Variants in MRPS27 observed in about 807,000 individuals in gnomAD.
MRPS27 encodes the protein mitochondrial ribosomal protein S27.
Under a neutral mutation model 48.9 loss-of-function variants are expected in MRPS27, and 43 were observed. The ratio of observed to expected loss-of-function variants is 0.88; its 90% confidence interval spans 0.69 to 1.13. MRPS27 has a LOEUF of 1.13. MRPS27 is among the 50% of genes most tolerant of loss of function. The probability of loss-of-function intolerance (pLI) is 0.00; values close to 1 mark genes in which losing one functional copy is unlikely to be tolerated. For missense variants in MRPS27, 467 were observed against 476.3 expected (o/e 0.98, Z 0.18); for synonymous variants, 188 against 171.9 (o/e 1.09, Z -0.73).
chr5:72,227,282 G>A (rs1356522409), intron 8 of MRPS27: 1 of 152,130 alleles, frequency 6.6e-6, no homozygotes, highest in Non-Finnish European at 1.5e-5. Flanking sequence ...TGATCTGAAA[G>A]CAAAGGAAAA....
chr5:72,276,902 G>T (rs1354541421), intron 4 of MRPS27, among the ~76,000 whole-genome samples: 1 of 152,010 alleles, frequency 6.6e-6, no homozygotes, highest in Non-Finnish European at 1.5e-5. Context: ...GTGGTGACGG[G>T]CACCTGTAGT....
intron 4 of MRPS27, among the ~76,000 whole-genome samples, chr5:72,264,782 C>T (rs933342569): frequency 6.6e-6 from 1 of 152,220 alleles, no homozygotes; most frequent in African/African-American, 2.4e-5. Context: ...GAAAGGATGG[C>T]TCTACTGACA....
At chr5:72,244,852 C>G (rs74603404) in intron 4 of MRPS27, among the ~76,000 whole-genome samples, 1 of 148,674 alleles carries the variant, frequency 6.7e-6, no homozygotes, top group Non-Finnish European at 1.5e-5. Context: ...TACCTATAGA[C>G]AGACTGTAAG....
At chr5:72,282,677 C>A (rs1226130232) in intron 4 of MRPS27, among the ~76,000 whole-genome samples, 2 of 152,112 alleles carry the variant, frequency 1.3e-5, no homozygotes, top group Non-Finnish European at 2.9e-5. Context: ...CATGTATATA[C>A]AAGGCATCAA....
chr5:72,280,257 TCTG>T lies in MRPS27; in HGVS notation c.281+15271_281+15273del, dbSNP rs1417417040. On this transcript the variant is annotated intron_variant, in intron 4 of 10. Transcript: ENST00000261413. ...CATCTTCTCAGGTTCCCCAAAAATT[TCTG>T]CTGAGATTTTGGTTGGAATTGCACT... Among the ~76,000 whole-genome samples, 4 of 152,196 alleles carry T rather than the reference TCTG, an allele frequency of 2.6e-5. No homozygotes were observed. In the East Asian group the frequency reaches 7.7e-4, roughly 29 times the overall value.
intron 4 of MRPS27, among the ~76,000 whole-genome samples, chr5:72,246,549 C>A (rs1445222757): frequency 1.3e-5 from 2 of 152,148 alleles, no homozygotes; most frequent in African/African-American, 4.8e-5. Flanking sequence ...AAAACAGACT[C>A]CTTTCAACCC....
chr5:72,272,291 C>A (rs1749269400), intron 4 of MRPS27, among the ~76,000 whole-genome samples: 1 of 152,244 alleles, frequency 6.6e-6, no homozygotes, highest in Non-Finnish European at 1.5e-5. Flanking sequence ...TGGCCCTTCA[C>A]TGGTGTCTGG....
chr5:72,228,527 AAGGTACTT>A, intron 7 of MRPS27, 159 bp from the exon 8 acceptor site: 1 of 480,674 alleles, frequency 2.1e-6, no homozygotes, highest in Admixed American at 3.9e-5. Flanking sequence ...TTGGGATTAA[AAGGTACTT>A]ACGTCAAAGA....
intron 4 of MRPS27, among the ~76,000 whole-genome samples, chr5:72,291,596 G>A (rs1193522679): frequency 2.0e-5 from 3 of 152,218 alleles, no homozygotes; most frequent in African/African-American, 7.2e-5. Flanking sequence ...GAAAGACACA[G>A]ATGCTGTTAA....
rs116269176 is a variant in MRPS27, at chr5:72,251,137, C to T, written c.282-13009G>A. ...ACTCTTATGATTATTACCATCCACA[C>T]GGCAGGTGACTTGCAGAGCGCTGGG... is the stretch of plus-strand genomic sequence containing the variant. On this transcript the variant is annotated intron_variant, in intron 4 of 10. Coordinates refer to ENST00000261413, the MANE Select transcript of MRPS27 (RefSeq NM_015084.3). Among the ~76,000 whole-genome samples, 572 of 152,284 alleles carry T rather than the reference C, an allele frequency of 3.8e-3. 1 individual carries two copies. The highest frequency in any genetic ancestry group is 0.013 in the African/African-American group (552 of 41,538).
At position 72,232,570 on chromosome 5, in the gene MRPS27, T is replaced by C. The variant is rs758020938; in HGVS notation, c.476-12A>G. The C allele has an allele frequency of 1.3e-6, 2 of 1,576,996 alleles. No homozygotes were observed. The highest frequency in any genetic ancestry group is 1.7e-6 in the Non-Finnish European group (2 of 1,149,950). ...CACAGATAAAGCATCTAGCAGAAGA[T>C]GAAAGTAAAAAAGAGAGGAAATTAG... On this transcript the variant is annotated splice_polypyrimidine_tract_variant and intron_variant, in intron 6 of 10. Transcript: ENST00000261413.
chr5:72,293,370 G>A (rs1182151296), intron 4 of MRPS27, among the ~76,000 whole-genome samples: 2 of 151,550 alleles, frequency 1.3e-5, no homozygotes, highest in African/African-American at 4.8e-5. Flanking sequence ...TAAGATAAAC[G>A]ATAAATCATA....
intron 2 of MRPS27, among the ~76,000 whole-genome samples, chr5:72,305,980 G>C (rs770751566): frequency 3.9e-5 from 6 of 152,204 alleles, no homozygotes; most frequent in Non-Finnish European, 7.3e-5. Flanking sequence ...GTTGAAATCT[G>C]ATTGAAGTAG....
intron 2 of MRPS27, among the ~76,000 whole-genome samples, chr5:72,304,668 A>G (rs1046501905): frequency 5.9e-5 from 9 of 152,226 alleles, no homozygotes; most frequent in African/African-American, 2.2e-4. Context: ...ACATAACCAC[A>G]AAATCTGTAG....
At chr5:72,297,769 T>C in intron 2 of MRPS27, 67 bp from the exon 3 acceptor site, 1 of 959,608 alleles carries the variant, frequency 1.0e-6, no homozygotes. Flanking sequence ...TCTTGCCAGA[T>C]GGCTGCCAAC....
intron 4 of MRPS27, among the ~76,000 whole-genome samples, chr5:72,278,304 A>G (rs1749435635): frequency 6.6e-6 from 1 of 151,844 alleles, no homozygotes. Flanking sequence ...TTAGCTGGGC[A>G]TGGTGGCGAG....
intron 2 of MRPS27, among the ~76,000 whole-genome samples, chr5:72,312,408 C>T (rs1165032613): frequency 6.6e-6 from 1 of 152,106 alleles, no homozygotes; most frequent in Non-Finnish European, 1.5e-5. Flanking sequence ...GATAGCGCCA[C>T]TCCTGGTATT....
intron 5 of MRPS27, among the ~76,000 whole-genome samples, chr5:72,235,766 C>G (rs1008708287): frequency 2.0e-5 from 3 of 152,138 alleles, no homozygotes; most frequent in Non-Finnish European, 2.9e-5. Context: ...GCACATAAAT[C>G]CTTCCTTCCT....
intron 2 of MRPS27, among the ~76,000 whole-genome samples, chr5:72,308,334 A>G (rs779725401): frequency 1.3e-5 from 2 of 152,126 alleles, no homozygotes; most frequent in African/African-American, 2.4e-5. Context: ...TGAAGCCCAC[A>G]CCCACACGCC....
Sources: gnomAD v4.1 joint callset for allele counts (sites outside exome capture counted in the v4.1 genomes callset) on GRCh38, gnomAD v4.1.1 for gene constraint, MANE v1.5 for transcripts, NCBI Gene and HGNC (gene_info 2026-07-23, HGNC 2026-07-21) for gene names.